The following CCDC7 variants were observed in gnomAD, a reference collection of about 807,000 sequenced individuals.
The protein encoded by CCDC7 is coiled-coil domain containing 7.
In CCDC7, 183 loss-of-function variants were observed where a neutral mutation model predicts 196.9. The ratio of observed to expected loss-of-function variants is 0.93; its 90% CI spans 0.82 to 1.05. The LOEUF (loss-of-function observed/expected upper bound fraction) is 1.05. CCDC7 is among the 50% of genes least tolerant of loss of function. The pLI, the probability that CCDC7 is intolerant of heterozygous loss-of-function variation, is 0.00. For missense variants in CCDC7, 1,540 were observed against 1,482.2 expected (o/e 1.04, Z -0.64); for synonymous variants, 525 against 484.6 (o/e 1.08, Z -1.10).
At chr10:32,761,814 A>G (rs936071652) in intron 28 of CCDC7, among the ~76,000 whole-genome samples, 1 of 152,014 alleles carries the variant, frequency 6.6e-6, no homozygotes, top group African/African-American at 2.4e-5. Flanking sequence ...ATCCTAATGA[A>G]GCTAGGGATG....
intron 33 of CCDC7, among the ~76,000 whole-genome samples, chr10:32,838,520 C>T (rs1296095618): frequency 6.6e-6 from 1 of 151,942 alleles, no homozygotes; most frequent in Non-Finnish European, 1.5e-5. Context: ...AATTGGAGTT[C>T]CTGAGAAGAA....
intron 24 of CCDC7, among the ~76,000 whole-genome samples, chr10:32,710,874 C>T (rs1426866138): frequency 6.6e-6 from 1 of 152,112 alleles, no homozygotes; most frequent in African/African-American, 2.4e-5. Context: ...AACAATTAAG[C>T]CTTTATTCAC....
At chr10:32,606,494 C>G (rs2061571726) in intron 18 of CCDC7, among the ~76,000 whole-genome samples, 1 of 152,246 alleles carries the variant, frequency 6.6e-6, no homozygotes, top group Non-Finnish European at 1.5e-5. Flanking sequence ...GCACTCAACT[C>G]CAACCTGTAA....
intron 24 of CCDC7, among the ~76,000 whole-genome samples, chr10:32,696,390 C>T (rs901835985): frequency 5.9e-5 from 9 of 152,080 alleles, no homozygotes; most frequent in Admixed American, 3.9e-4. Flanking sequence ...ATGAAATTCT[C>T]CATGTCCACT....
At chr10:32,543,352 A>G in exon 12 of CCDC7, 1 of 1,452,736 alleles carries the variant, frequency 6.9e-7, no homozygotes, top group Non-Finnish European at 9.3e-7. Flanking sequence ...ACAGTGAAGA[A>G]AAAAGACAAA....
At chr10:32,694,128 G>T (rs2077406565) in intron 23 of CCDC7, among the ~76,000 whole-genome samples, 3 of 152,162 alleles carry the variant, frequency 2.0e-5, no homozygotes, top group Admixed American at 2.0e-4. Context: ...CTTTGCTTTT[G>T]ATTTATTCCT....
intron 33 of CCDC7, among the ~76,000 whole-genome samples, chr10:32,843,172 A>C (rs560823609): frequency 5.3e-5 from 8 of 152,084 alleles, no homozygotes; most frequent in Admixed American, 2.0e-4. Context: ...AATGCAAAAA[A>C]ATATATAAAT....
chr10:32,861,325 G>T (rs982536023), intron 41 of CCDC7, among the ~76,000 whole-genome samples: 2 of 152,050 alleles, frequency 1.3e-5, no homozygotes, highest in African/African-American at 4.8e-5. Flanking sequence ...ATGGGGAAAG[G>T]ATTCCCTATT....
intron 20 of CCDC7, among the ~76,000 whole-genome samples, chr10:32,646,609 G>A (rs544645559): frequency 2.2e-4 from 33 of 152,144 alleles, no homozygotes; most frequent in Admixed American, 9.2e-4. Flanking sequence ...TCAGATAAAG[G>A]TGTGGGGGGT....
chr10:32,606,988 C>T (rs1449277144), intron 18 of CCDC7, among the ~76,000 whole-genome samples: 4 of 152,136 alleles, frequency 2.6e-5, no homozygotes, highest in Non-Finnish European at 4.4e-5. Flanking sequence ...CATGTTGAAA[C>T]GTAAACCCCA....
rs1437280990 is a variant in CCDC7, at chr10:32,728,999, T to C, written c.2779+2T>C. Reference sequence around the variant, plus strand: ...ATTCTGGAGTGGAAAGACACAAGAGTGAGTATAATAATTATCGATAACTTT... The same window carrying C: ...ATTCTGGAGTGGAAAGACACAAGAGCGAGTATAATAATTATCGATAACTTT... On this transcript the variant is annotated splice_donor_variant, in intron 27 of 41. Coordinates refer to ENST00000639629, the Ensembl canonical transcript of CCDC7. LOFTEE classifies it high-confidence loss of function. 6.5e-7 allele frequency: 1 copy of C among 1,544,522 alleles called. No individual in the cohort carries two copies. Among genetic ancestry groups the C allele is most frequent in the Non-Finnish European group, 8.9e-7 (1 of 1,121,798 alleles).
At chr10:32,632,148 G>T (rs1325991263) in intron 18 of CCDC7, among the ~76,000 whole-genome samples, 1 of 139,490 alleles carries the variant, frequency 7.2e-6, no homozygotes, top group Non-Finnish European at 1.5e-5. Flanking sequence ...TTGGGGGGGG[G>T]GGGGTCTAAT....
At chr10:32,874,575 C>A (rs2094537301) in intron 41 of CCDC7, among the ~76,000 whole-genome samples, 1 of 151,628 alleles carries the variant, frequency 6.6e-6, no homozygotes, top group South Asian at 2.1e-4. Context: ...AGAATAATGG[C>A]CTCCAGTTCC....
intron 24 of CCDC7, among the ~76,000 whole-genome samples, chr10:32,702,888 T>G (rs80086641): frequency 0.11 from 16,042 of 152,250 alleles, 1,039 homozygotes; most frequent in South Asian, 0.25. Flanking sequence ...CTCCATCCCT[T>G]TACTTTGAGC....
chr10:32,492,446 G>A (rs2042297438), intron 9 of CCDC7, among the ~76,000 whole-genome samples: 1 of 152,018 alleles, frequency 6.6e-6, no homozygotes, highest in Non-Finnish European at 1.5e-5. Context: ...ACCCACATGT[G>A]CAACAATGAA....
Position 32,558,839 on chromosome 10 carries a change from C to T in CCDC7, c.1135-6719C>T, listed in dbSNP as rs534127960. On this transcript the variant is annotated intron_variant, in intron 13 of 41. Transcript: ENST00000639629. ...GCACAGGACAGTGGGTGCAGTGCAC[C>T]ATGCGTGAGCCGAAGCAGGGCGAGG... is the stretch of plus-strand genomic sequence containing the variant. 1.6e-4 allele frequency among the ~76,000 whole-genome samples: 24 copies of T among 152,328 alleles called. No homozygotes were observed. The South Asian group carries it at 4.8e-3, about 30-fold the overall frequency.
chr10:32,568,525 G>A (rs895107208), intron 15 of CCDC7, among the ~76,000 whole-genome samples: 31 of 151,910 alleles, frequency 2.0e-4, no homozygotes, highest in African/African-American at 6.5e-4. Flanking sequence ...TAGTTTCTCC[G>A]AGGGCAATAA....
chr10:32,674,069 C>A (rs11009028), intron 21 of CCDC7, among the ~76,000 whole-genome samples: 20,910 of 151,448 alleles, frequency 0.14, 1,751 homozygotes, highest in East Asian at 0.25. Context: ...CTCACATTTT[C>A]ATCAATTTTT....
chr10:32,639,174 A>C (rs2066240588), intron 20 of CCDC7, among the ~76,000 whole-genome samples: 1 of 152,092 alleles, frequency 6.6e-6, no homozygotes, highest in Admixed American at 6.5e-5. Flanking sequence ...TGATCTTTTC[A>C]AAAAACCACC....
Sources: gnomAD v4.1 joint callset for allele counts (sites outside exome capture counted in the v4.1 genomes callset) on GRCh38, gnomAD v4.1.1 for gene constraint, MANE v1.5 for transcripts, NCBI Gene and HGNC (gene_info 2026-07-23, HGNC 2026-07-21) for gene names.